CNTNAP5: variants seen among roughly 807,000 people sequenced by gnomAD.
The protein encoded by CNTNAP5 is contactin associated protein family member 5.
A neutral mutation model predicts 150.2 loss-of-function variants in CNTNAP5; 72 were observed. That is an observed-to-expected ratio of 0.48 (90% confidence interval 0.40 to 0.58). The LOEUF (loss-of-function observed/expected upper bound fraction) is 0.58. Ranked by LOEUF, CNTNAP5 falls within the 20% of genes least tolerant of loss-of-function variation. The pLI is 0.00. For synonymous variants in CNTNAP5, 672 were observed against 619.8 expected (o/e 1.08, Z -1.25); for missense variants, 1,636 against 1,626.2 (o/e 1.01, Z -0.10).
chr2:124,891,663 A>T (rs1236632774), intron 21 of CNTNAP5, among the ~76,000 whole-genome samples: 1 of 152,174 alleles, frequency 6.6e-6, no homozygotes, highest in Non-Finnish European at 1.5e-5. Context: ...ATTTAATTGA[A>T]GGCAGGTGTA....
chr2:124,142,825 C>T lies in CNTNAP5; in HGVS notation c.83-78880C>T, dbSNP rs200763943. Among the ~76,000 whole-genome samples the T allele has an allele frequency of 6.6e-5, 10 of 150,862 alleles. No homozygotes were observed. In the East Asian group the frequency reaches 7.8e-4, roughly 12 times the overall value. On this transcript the variant is annotated intron_variant, in intron 1 of 23. Coordinates refer to ENST00000682447, the MANE Select transcript of CNTNAP5 (RefSeq NM_001367498.1). ...TGAAGGAAATAGAGACACAAAAAAC[C>T]CTTCAAAAAAATCAATAAATCCAGG... is the stretch of plus-strand genomic sequence containing the variant.
At chr2:124,701,071 T>G (rs1352716482) in intron 13 of CNTNAP5, among the ~76,000 whole-genome samples, 1 of 152,058 alleles carries the variant, frequency 6.6e-6, no homozygotes, top group Non-Finnish European at 1.5e-5. Flanking sequence ...TCTTATTACC[T>G]GTATGGTCCT....
intron 19 of CNTNAP5, among the ~76,000 whole-genome samples, chr2:124,816,433 G>A (rs528764305): frequency 1.2e-4 from 18 of 149,694 alleles, no homozygotes; most frequent in Admixed American, 3.3e-4. Flanking sequence ...CAAAGGCCAC[G>A]AAAGTTCCTT....
intron 1 of CNTNAP5, among the ~76,000 whole-genome samples, chr2:124,028,319 T>TGC (rs1381153758): frequency 0.018 from 2,718 of 151,822 alleles, 83 homozygotes; most frequent in African/African-American, 0.06. Flanking sequence ...GTGTTTTGTG[T>TGC]GTGTGTGTGC....
intron 1 of CNTNAP5, among the ~76,000 whole-genome samples, chr2:124,113,572 T>C (rs1481033984): frequency 6.6e-6 from 1 of 151,180 alleles, no homozygotes; most frequent in South Asian, 2.1e-4. Flanking sequence ...TATCCTGGAT[T>C]GGAGCCCTAG....
chr2:124,216,968 A>G (rs1686173589), intron 1 of CNTNAP5, among the ~76,000 whole-genome samples: 2 of 152,140 alleles, frequency 1.3e-5, no homozygotes, highest in Admixed American at 1.3e-4. Flanking sequence ...TCGCCACACC[A>G]ACTTCCACAA....
At position 124,451,079 on chromosome 2, in the gene CNTNAP5, C is replaced by CACACACAT. The variant is rs1553469350; in HGVS notation, c.918+4149_918+4150insTACACACA. On this transcript the variant is annotated intron_variant, in intron 6 of 23. Transcript: ENST00000682447. Reference sequence around the variant, plus strand: ...ATATATATATATATATATATATATACACACACACACACACACACATAATGT... The same window carrying CACACACAT: ...ATATATATATATATATATATATATACACACACATACACACACACACACACACATAATGT... Among the ~76,000 whole-genome samples, 58 of 94,932 alleles carry CACACACAT rather than the reference C, an allele frequency of 6.1e-4. 2 individuals are homozygous for CACACACAT. The highest frequency in any genetic ancestry group is 3.1e-3 in the East Asian group (11 of 3,496). 62.3% of individuals were successfully genotyped at this position (94,932 alleles called of 152,430 possible).
chr2:124,245,887 C>T (rs1268045257), intron 3 of CNTNAP5, among the ~76,000 whole-genome samples: 2 of 151,956 alleles, frequency 1.3e-5, no homozygotes, highest in Non-Finnish European at 1.5e-5. Context: ...TGCACCACCA[C>T]ATCTGGCTAA....
chr2:124,464,671 C>A (rs1356864233), intron 6 of CNTNAP5, among the ~76,000 whole-genome samples: 1 of 152,062 alleles, frequency 6.6e-6, no homozygotes, highest in East Asian at 1.9e-4. Flanking sequence ...GTTTTACTTT[C>A]TTTTTTAAAT....
At chr2:124,733,951 T>A (rs1680328987) in intron 13 of CNTNAP5, among the ~76,000 whole-genome samples, 1 of 152,046 alleles carries the variant, frequency 6.6e-6, no homozygotes, top group Non-Finnish European at 1.5e-5. Context: ...GTATTAAACT[T>A]CTCAACCTAA....
intron 4 of CNTNAP5, among the ~76,000 whole-genome samples, chr2:124,433,070 C>T (rs1558899906): frequency 6.6e-6 from 1 of 152,126 alleles, no homozygotes; most frequent in Non-Finnish European, 1.5e-5. Flanking sequence ...CCAAGGTAAC[C>T]CAACTAACAA....
intron 1 of CNTNAP5, among the ~76,000 whole-genome samples, chr2:124,058,655 A>G (rs1227310148): frequency 6.6e-6 from 1 of 152,080 alleles, no homozygotes; most frequent in African/African-American, 2.4e-5. Flanking sequence ...TCAGCCTAAA[A>G]GCTTCCTAAC....
chr2:124,317,182 A>G (rs964360007), intron 3 of CNTNAP5, among the ~76,000 whole-genome samples: 1 of 152,208 alleles, frequency 6.6e-6, no homozygotes. Flanking sequence ...TTCAGGGCAG[A>G]CTTACCTTTA....
chr2:124,124,643 A>C (rs565858857), intron 1 of CNTNAP5, among the ~76,000 whole-genome samples: 2 of 152,282 alleles, frequency 1.3e-5, no homozygotes, highest in Admixed American at 1.3e-4. Flanking sequence ...GAAGGAAAAA[A>C]TCTTAAGGGC....
chr2:124,229,241 T>A (rs2104750328), intron 2 of CNTNAP5, among the ~76,000 whole-genome samples: 1 of 152,188 alleles, frequency 6.6e-6, no homozygotes, highest in Middle Eastern at 3.4e-3. Context: ...TAAACCAAGT[T>A]TAATGAGTTC....
chr2:124,169,869 T>G (rs1036483941), intron 1 of CNTNAP5, among the ~76,000 whole-genome samples: 1 of 152,224 alleles, frequency 6.6e-6, no homozygotes, highest in Non-Finnish European at 1.5e-5. Context: ...CAATTGATCT[T>G]ATCCTTCAGA....
intron 19 of CNTNAP5, among the ~76,000 whole-genome samples, chr2:124,811,713 G>GGGC (rs1553445060): frequency 6.7e-6 from 1 of 149,884 alleles, no homozygotes; most frequent in South Asian, 2.1e-4. Flanking sequence ...AGGCGGGGGG[G>GGGC]GTGGATCACC....
chr2:124,244,757 T>A (rs944021090), intron 3 of CNTNAP5, among the ~76,000 whole-genome samples: 2 of 152,178 alleles, frequency 1.3e-5, no homozygotes, highest in African/African-American at 2.4e-5. Flanking sequence ...GGTGTCCCCT[T>A]AATTAATACT....
At chr2:124,537,716 T>C (rs767332621) in intron 10 of CNTNAP5, among the ~76,000 whole-genome samples, 85 of 152,236 alleles carry the variant, frequency 5.6e-4, no homozygotes, top group South Asian at 1.0e-3. Flanking sequence ...AGAAGAAGGT[T>C]TTGGAGAAAG....
Sources: allele counts gnomAD v4.1 joint callset (sites outside exome capture counted in the v4.1 genomes callset), GRCh38; gene constraint gnomAD v4.1.1; transcripts MANE v1.5; gene names NCBI Gene and HGNC (gene_info 2026-07-23, HGNC 2026-07-21).